APPL2: variants seen among roughly 807,000 people sequenced by gnomAD.
APPL2 encodes DCC-interacting protein 13-beta.
APPL2 carries 84 observed loss-of-function variants against 92.7 expected under a neutral mutation model. That is an observed-to-expected ratio of 0.91 (90% CI 0.76 to 1.09). The LOEUF is 1.09. Ranked by LOEUF, APPL2 falls within the 50% of genes least tolerant of loss-of-function variation. APPL2 has a pLI of 0.00. For missense variants in APPL2, 736 were observed against 824.5 expected, an observed-to-expected ratio of 0.89 and a Z score of 1.31; for synonymous variants, 291 against 291.0, an observed-to-expected ratio of 1.00 and a Z score of 0.00.
intron 8 of APPL2, among the ~76,000 whole-genome samples, chr12:105,205,214 C>T (rs1181773246): frequency 2.6e-5 from 4 of 152,328 alleles, no homozygotes; most frequent in African/African-American, 9.6e-5. Flanking sequence ...CTCCACGGTG[C>T]CAGGCAACAA....
chr12:105,216,195 T>A (rs1383154670), intron 4 of APPL2, among the ~76,000 whole-genome samples: 1 of 152,142 alleles, frequency 6.6e-6, no homozygotes, highest in East Asian at 1.9e-4. Flanking sequence ...CTGTAAAATA[T>A]AGCTATAAGA....
intron 4 of APPL2, among the ~76,000 whole-genome samples, chr12:105,215,340 T>C (rs949362092): frequency 2.0e-5 from 3 of 152,118 alleles, no homozygotes; most frequent in Non-Finnish European, 4.4e-5. Flanking sequence ...ACAGAATTGC[T>C]TGATGTGGGG....
chr12:105,174,052 A>T lies in APPL2; in HGVS notation c.*262T>A. On this transcript the variant is annotated 3_prime_UTR_variant, in exon 21 of 21. Coordinates refer to ENST00000258530, the MANE Select transcript of APPL2 (RefSeq NM_018171.5). ...TTTCAAACTTTTGTTCTGAGCGCTG[A>T]ACAATCTAAGAAATTTTAGCGCAAT... is the stretch of plus-strand genomic sequence containing the variant. 2.9e-6 allele frequency: 1 copy of T among 347,170 alleles called. No homozygotes were observed. Among genetic ancestry groups the T allele is most frequent in the East Asian group, 5.9e-5 (1 of 16,826 alleles). The allele number at this position is 347,170 out of a possible 1,614,324, so 21.5% of individuals were successfully genotyped here. A position where few individuals can be genotyped will look rare whatever the true frequency, so the allele number is the denominator to read the frequency against.
chr12:105,195,945 C>T (rs562435429), intron 11 of APPL2, among the ~76,000 whole-genome samples: 1 of 151,574 alleles, frequency 6.6e-6, no homozygotes, highest in South Asian at 2.1e-4. Context: ...GTCCTAGCTA[C>T]TAGAGAGGCT....
chr12:105,179,911 A>C (rs1043878709), intron 17 of APPL2, among the ~76,000 whole-genome samples: 3 of 152,122 alleles, frequency 2.0e-5, no homozygotes. Flanking sequence ...ATTTTCTCCC[A>C]TTCTGTAGGT....
intron 10 of APPL2, among the ~76,000 whole-genome samples, chr12:105,199,040 G>T (rs922860071): frequency 5.3e-5 from 8 of 152,306 alleles, no homozygotes; most frequent in Non-Finnish European, 1.0e-4. Context: ...TCTGCCAGCT[G>T]GTGTGGGGGA....
At chr12:105,179,537 C>A (rs1423148280) in intron 17 of APPL2, among the ~76,000 whole-genome samples, 1 of 152,180 alleles carries the variant, frequency 6.6e-6, no homozygotes, top group East Asian at 1.9e-4. Flanking sequence ...ATTTCTGGTT[C>A]TAGATCCTTG....
In APPL2 at chr12:105,195,554, A is replaced by G. The variant is rs1181353234; in HGVS notation, c.1095+31T>C. On this transcript the variant is annotated intron_variant, in intron 12 of 20. Transcript: ENST00000258530. Reference sequence around the variant, plus strand: ...GAATCCCAAAGTCACCCACCACGTTAGGAAAGAAATATGACAAACAAAATT... The same window carrying G: ...GAATCCCAAAGTCACCCACCACGTTGGGAAAGAAATATGACAAACAAAATT... 3 of 1,614,140 alleles carry G rather than the reference A, an allele frequency of 1.9e-6. No individual in the cohort carries two copies. The Admixed American group carries it at 5.0e-5, about 27-fold the overall frequency.
intron 20 of APPL2, 36 bp downstream of exon 20, chr12:105,175,999 G>C (rs1298706175): frequency 1.3e-6 from 2 of 1,530,622 alleles, no homozygotes; most frequent in Non-Finnish European, 1.8e-6. Context: ...GATGTGTTTT[G>C]AGTAGCTACT....
intron 17 of APPL2, among the ~76,000 whole-genome samples, chr12:105,184,780 G>A (rs998657840): frequency 2.6e-5 from 4 of 152,228 alleles, no homozygotes; most frequent in Non-Finnish European, 4.4e-5. Flanking sequence ...GAGCTCAAGC[G>A]TTGTGCTGGG....
At chr12:105,184,767 G>A (rs1886438310) in intron 17 of APPL2, among the ~76,000 whole-genome samples, 1 of 152,220 alleles carries the variant, frequency 6.6e-6, no homozygotes, top group South Asian at 2.1e-4. Flanking sequence ...CTGTCCCTTA[G>A]CAGAGCTCAA....
intron 17 of APPL2, among the ~76,000 whole-genome samples, chr12:105,180,418 C>T (rs1592753894): frequency 6.6e-6 from 1 of 152,300 alleles, no homozygotes; most frequent in Non-Finnish European, 1.5e-5. Context: ...ATGATACCTC[C>T]AGCTTTGTTC....
intron 10 of APPL2, among the ~76,000 whole-genome samples, 169 bp from the exon 11 acceptor site, chr12:105,198,122 A>G (rs1010142458): frequency 5.3e-5 from 8 of 152,158 alleles, no homozygotes; most frequent in Non-Finnish European, 1.2e-4. Context: ...GAAGGGTACA[A>G]TTTAGCTGGA....
intron 2 of APPL2, among the ~76,000 whole-genome samples, chr12:105,227,117 T>C (rs1448044788): frequency 8.3e-6 from 1 of 119,882 alleles, no homozygotes; most frequent in Admixed American, 8.8e-5. Flanking sequence ...TAAGACCCTG[T>C]CTCTGAAAAT....
intron 17 of APPL2, among the ~76,000 whole-genome samples, chr12:105,181,830 G>C (rs963097891): frequency 2.0e-5 from 3 of 152,044 alleles, no homozygotes; most frequent in African/African-American, 7.2e-5. Flanking sequence ...ATTTTTTATT[G>C]TGTCTGTTTG....
chr12:105,177,701 T>C (rs1176073155), intron 17 of APPL2, among the ~76,000 whole-genome samples: 1 of 152,192 alleles, frequency 6.6e-6, no homozygotes, highest in East Asian at 1.9e-4. Flanking sequence ...GACAAAATAG[T>C]GAAGGGATTT....
intron 11 of APPL2, among the ~76,000 whole-genome samples, chr12:105,196,145 G>A (rs530109866): frequency 3.3e-5 from 5 of 152,110 alleles, no homozygotes; most frequent in Admixed American, 2.6e-4. Context: ...GGACAAACAT[G>A]GCCGTTTCCC....
chr12:105,207,304 C>T lies in APPL2; in HGVS notation c.475-97G>A, dbSNP rs1592804471. The T allele has an allele frequency of 4.1e-6, 5 of 1,220,972 alleles. No individual in the cohort carries two copies. The East Asian group carries it at 1.2e-4, about 30-fold the overall frequency. 75.6% of individuals were successfully genotyped at this position (1,220,972 alleles called of 1,614,324 possible). A position where few individuals can be genotyped will look rare whatever the true frequency, so the allele number is the denominator to read the frequency against. On this transcript the variant is annotated intron_variant, in intron 7 of 20. Coordinates refer to ENST00000258530, the MANE Select transcript of APPL2 (RefSeq NM_018171.5). ...AAAATGTGTGTTTATGCATTATAAC[C>T]ATTTTTGTGACAAATATAACAAAAC...
At chr12:105,233,532 T>C in intron 1 of APPL2, 1 of 345,604 alleles carries the variant, frequency 2.9e-6, no homozygotes, top group Middle Eastern at 1.5e-3. Context: ...TTCATTTAAT[T>C]CATCCTGTGC....
Sources: gnomAD v4.1 joint callset for allele counts (sites outside exome capture counted in the v4.1 genomes callset) on GRCh38, gnomAD v4.1.1 for gene constraint, MANE v1.5 for transcripts, NCBI Gene and HGNC (gene_info 2026-07-23, HGNC 2026-07-21) for gene names.